The following OR3A2 variants were observed in gnomAD, a reference collection of about 807,000 sequenced individuals.
The protein encoded by OR3A2 is olfactory receptor family 3 subfamily A member 2, also known as olfactory receptor 3A2.
For synonymous variants in OR3A2, 126 were observed against 159.3 expected, an observed-to-expected ratio of 0.79 and a Z score of 1.57; for missense variants, 318 against 392.8, an observed-to-expected ratio of 0.81 and a Z score of 1.61.
At chr17:3,290,045 T>C (rs1158492990) in intron 3 of OR3A2, among the ~76,000 whole-genome samples, 1 of 152,122 alleles carries the variant, frequency 6.6e-6, no homozygotes, top group Non-Finnish European at 1.5e-5. Flanking sequence ...CTAGTAAACC[T>C]TCTTCCTGAC....
In OR3A2 at chr17:3,292,173, G is replaced by T. The variant is rs977427953; in HGVS notation, c.-84-13020C>A. 1.1e-5 allele frequency: 17 copies of T among 1,614,078 alleles called. No individual in the cohort carries two copies. The highest frequency in any genetic ancestry group is 1.3e-5 in the African/African-American group (1 of 74,932). Reference sequence around the variant, plus strand: ...CCTCTGGACTGTCTGACTCATGCGGGTGCTGTAGGTGAGGGGCCGGCAGAT... The same window carrying T: ...CCTCTGGACTGTCTGACTCATGCGGTTGCTGTAGGTGAGGGGCCGGCAGAT... On this transcript the variant is annotated intron_variant, in intron 3 of 4. Transcript: ENST00000573491.
At chr17:3,331,159 T>A (rs1445676912) in intron 3 of OR3A2, among the ~76,000 whole-genome samples, 2 of 152,178 alleles carry the variant, frequency 1.3e-5, no homozygotes, top group Non-Finnish European at 2.9e-5. Flanking sequence ...TTTCCTTCAT[T>A]GTTCAACTTC....
At chr17:3,381,789 C>T (rs1051318771) in intron 2 of OR3A2, among the ~76,000 whole-genome samples, 1 of 152,126 alleles carries the variant, frequency 6.6e-6, no homozygotes, top group Admixed American at 6.5e-5. Context: ...CCTTCAAGCT[C>T]GCCCTGCTCA....
At chr17:3,282,765 A>AT (rs2048785376) in intron 1 of OR3A2, among the ~76,000 whole-genome samples, 1 of 152,206 alleles carries the variant, frequency 6.6e-6, no homozygotes, top group African/African-American at 2.4e-5. Flanking sequence ...TACATATGTT[A>AT]TATTAAAGGA....
At chr17:3,346,346 T>C (rs2049363805) in intron 2 of OR3A2, among the ~76,000 whole-genome samples, 1 of 152,060 alleles carries the variant, frequency 6.6e-6, no homozygotes, top group African/African-American at 2.4e-5. Context: ...TCCTGAAAAA[T>C]GGGAAGGGCA....
intron 2 of OR3A2, among the ~76,000 whole-genome samples, chr17:3,356,066 A>C (rs892557047): frequency 2.0e-5 from 3 of 151,496 alleles, no homozygotes; most frequent in Admixed American, 2.0e-4. Flanking sequence ...AACTGATGAC[A>C]GCTTAACACT....
chr17:3,364,197 G>A (rs2049543561), intron 2 of OR3A2, among the ~76,000 whole-genome samples: 1 of 152,128 alleles, frequency 6.6e-6, no homozygotes, highest in Admixed American at 6.5e-5. Context: ...AGCCTAACAT[G>A]TATATTTTAT....
At chr17:3,328,532 A>T (rs2150640356) in intron 3 of OR3A2, among the ~76,000 whole-genome samples, 1 of 140,966 alleles carries the variant, frequency 7.1e-6, no homozygotes, top group Non-Finnish European at 1.5e-5. Context: ...CTCTTTTCCT[A>T]ATTGAATACC....
intron 3 of OR3A2, among the ~76,000 whole-genome samples, chr17:3,305,023 C>A (rs1379361157): frequency 1.3e-5 from 2 of 152,078 alleles, no homozygotes; most frequent in Non-Finnish European, 2.9e-5. Flanking sequence ...GAGAAAGGTA[C>A]GGGGTAACAT....
intron 3 of OR3A2, among the ~76,000 whole-genome samples, chr17:3,305,670 A>C (rs1336152560): frequency 6.6e-6 from 1 of 152,258 alleles, no homozygotes; most frequent in Non-Finnish European, 1.5e-5. Flanking sequence ...AAAATCATAA[A>C]ATTTTGAAGA....
At chr17:3,314,415 T>C (rs530487996) in intron 3 of OR3A2, among the ~76,000 whole-genome samples, 42 of 152,290 alleles carry the variant, frequency 2.8e-4, no homozygotes, top group African/African-American at 9.9e-4. Flanking sequence ...AAAAAGCATA[T>C]ATTTGTTTAA....
At chr17:3,289,108 AGTGTGTGTTT>A (rs1263969031), upstream of OR3A2, among the ~76,000 whole-genome samples, 3 of 146,300 alleles carry the variant, frequency 2.1e-5, no homozygotes, top group African/African-American at 5.5e-5. Context: ...TGTGTGTGTG[AGTGTGTGTTT>A]GTGTGTGTTC....
At chr17:3,343,695 G>A (rs1454993343) in intron 2 of OR3A2, among the ~76,000 whole-genome samples, 1 of 152,114 alleles carries the variant, frequency 6.6e-6, no homozygotes, top group African/African-American at 2.4e-5. Flanking sequence ...ACACCCAGGA[G>A]TTGTCAGCAC....
intron 2 of OR3A2, among the ~76,000 whole-genome samples, chr17:3,356,727 C>A (rs1329592992): frequency 2.6e-5 from 4 of 151,368 alleles, no homozygotes; most frequent in African/African-American, 9.8e-5. Flanking sequence ...CTGAAAAATT[C>A]TTTGTCCCAC....
intron 2 of OR3A2, among the ~76,000 whole-genome samples, chr17:3,337,632 C>T (rs540094408): frequency 2.6e-4 from 40 of 152,260 alleles, no homozygotes; most frequent in African/African-American, 8.7e-4. Context: ...GCATAGTATT[C>T]CATGGTGTAA....
chr17:3,383,591 G>A (rs1012701748), intron 2 of OR3A2, among the ~76,000 whole-genome samples: 2 of 152,028 alleles, frequency 1.3e-5, no homozygotes, highest in Non-Finnish European at 1.5e-5. Context: ...AGGAGTTTGG[G>A]GAGTGCAGGT....
chr17:3,278,325 T>C (rs776003042), exon 2 of OR3A2: 39 of 1,613,994 alleles, frequency 2.4e-5, no homozygotes, highest in Middle Eastern at 1.6e-4. Context: ...CAGCAGCTCA[T>C]TGAGTTGGGT....
At chr17:3,345,574 CA>C (rs926286118) in intron 2 of OR3A2, among the ~76,000 whole-genome samples, 3 of 151,950 alleles carry the variant, frequency 2.0e-5, no homozygotes, top group African/African-American at 7.2e-5. Context: ...ATCACAAAAA[CA>C]GTTCTTGAAA....
At chr17:3,371,717 C>A (rs2049624950) in intron 2 of OR3A2, among the ~76,000 whole-genome samples, 2 of 144,066 alleles carry the variant, frequency 1.4e-5, no homozygotes, top group Non-Finnish European at 3.1e-5. Flanking sequence ...CACCTCCCTC[C>A]CGGACGGGGC....
Sources: allele counts gnomAD v4.1 joint callset (sites outside exome capture counted in the v4.1 genomes callset), GRCh38; gene constraint gnomAD v4.1.1; transcripts MANE v1.5; gene names NCBI Gene and HGNC (gene_info 2026-07-23, HGNC 2026-07-21).